Variants in PRR5L observed in about 807,000 individuals in gnomAD.
The protein encoded by PRR5L is proline-rich protein 5-like.
A neutral mutation model predicts 36.4 loss-of-function variants in PRR5L; 21 were observed. The ratio of observed to expected loss-of-function variants is 0.58; its 90% CI spans 0.41 to 0.83. PRR5L has a LOEUF of 0.83. Among genes scored for constraint, PRR5L ranks in the 40% least tolerant of loss-of-function variants. PRR5L has a pLI of 0.00. For synonymous variants in PRR5L, 188 were observed against 197.0 expected, an observed-to-expected ratio of 0.95 and a Z score of 0.38; for missense variants, 381 against 473.3, an observed-to-expected ratio of 0.80 and a Z score of 1.81.
intron 1 of PRR5L, chr11:36,376,066 A>G: frequency 2.1e-6 from 2 of 963,326 alleles, no homozygotes; most frequent in Non-Finnish European, 2.9e-6. Flanking sequence ...GAGAAACGCA[A>G]GCACGGAGCT....
At chr11:36,349,106 GA>G (rs1185370139) in intron 1 of PRR5L, among the ~76,000 whole-genome samples, 1 of 151,962 alleles carries the variant, frequency 6.6e-6, no homozygotes, top group Non-Finnish European at 1.5e-5. Context: ...CCAACGTGGT[GA>G]AACCTGATCT....
chr11:36,398,082 T>A (rs974280880), intron 1 of PRR5L, among the ~76,000 whole-genome samples: 1 of 152,178 alleles, frequency 6.6e-6, no homozygotes, highest in Non-Finnish European at 1.5e-5. Flanking sequence ...GGCTAAGCAG[T>A]GAGCTTAGTC....
chr11:36,460,393 C>T (rs1246340057), intron 8 of PRR5L, among the ~76,000 whole-genome samples: 1 of 152,126 alleles, frequency 6.6e-6, no homozygotes, highest in Non-Finnish European at 1.5e-5. Flanking sequence ...TCCTTCGCCC[C>T]TCCCCCAAGT....
chr11:36,363,209 A>G lies in PRR5L; in HGVS notation c.-125-37788A>G, dbSNP rs552637327. Among the ~76,000 whole-genome samples the G allele has an allele frequency of 2.0e-5, 3 of 152,342 alleles. No homozygotes were observed. In the South Asian group the frequency reaches 6.2e-4, roughly 32 times the overall value. ...CAAGATTCCACACACCATTCTTTGC[A>G]TCATACCAGGAGACAGAAAGAGAGG... On this transcript the variant is annotated intron_variant, in intron 1 of 8. Coordinates refer to ENST00000530639, the MANE Select transcript of PRR5L (RefSeq NM_001160167.2).
At chr11:36,318,133 G>A (rs532478955) in intron 1 of PRR5L, among the ~76,000 whole-genome samples, 8 of 152,234 alleles carry the variant, frequency 5.3e-5, no homozygotes, top group African/African-American at 1.9e-4. Context: ...CGCTGTACAC[G>A]TTTGTAGCCT....
chr11:36,393,542 G>GT (rs976538600), intron 1 of PRR5L, among the ~76,000 whole-genome samples: 1 of 152,114 alleles, frequency 6.6e-6, no homozygotes, highest in African/African-American at 2.4e-5. Flanking sequence ...CTGTGTGTCT[G>GT]TTTTTTATGC....
intron 1 of PRR5L, among the ~76,000 whole-genome samples, chr11:36,315,508 A>G (rs188338373): frequency 6.6e-6 from 1 of 152,340 alleles, no homozygotes; most frequent in East Asian, 1.9e-4. Flanking sequence ...TAAACTTACT[A>G]ATAATTGTCT....
At chr11:36,332,636 T>G (rs1856730528) in intron 1 of PRR5L, among the ~76,000 whole-genome samples, 1 of 152,102 alleles carries the variant, frequency 6.6e-6, no homozygotes, top group African/African-American at 2.4e-5. Flanking sequence ...GTGGGAGGTG[T>G]TTTGGTCATG....
intron 1 of PRR5L, among the ~76,000 whole-genome samples, chr11:36,351,598 TATAA>T (rs1172408470): frequency 1.9e-4 from 2 of 10,358 alleles, no homozygotes; most frequent in South Asian, 3.2e-3. Context: ...TATATATTTA[TATAA>T]ATATATATTT....
intron 1 of PRR5L, among the ~76,000 whole-genome samples, chr11:36,340,590 C>G (rs1856808481): frequency 6.6e-6 from 1 of 152,168 alleles, no homozygotes; most frequent in Admixed American, 6.5e-5. Context: ...AGTGAAATGT[C>G]TGGGACTCAC....
At chr11:36,389,370 A>G (rs908189078) in intron 1 of PRR5L, among the ~76,000 whole-genome samples, 1 of 152,232 alleles carries the variant, frequency 6.6e-6, no homozygotes, top group South Asian at 2.1e-4. Flanking sequence ...GTATAAAAAT[A>G]TTAATACTAA....
intron 1 of PRR5L, among the ~76,000 whole-genome samples, chr11:36,370,933 A>G (rs1246399476): frequency 6.6e-6 from 1 of 151,972 alleles, no homozygotes; most frequent in African/African-American, 2.4e-5. Context: ...ACAAGAAGAA[A>G]ATTATCCAAG....
chr11:36,420,525 TA>T (rs796852550), intron 4 of PRR5L, among the ~76,000 whole-genome samples: 1 of 152,162 alleles, frequency 6.6e-6, no homozygotes, highest in Non-Finnish European at 1.5e-5. Flanking sequence ...AAGTTATTTA[TA>T]AAAAGTGCTC....
intron 6 of PRR5L, among the ~76,000 whole-genome samples, chr11:36,438,794 G>A (rs1210201987): frequency 1.3e-5 from 2 of 152,070 alleles, no homozygotes; most frequent in Admixed American, 6.6e-5. Flanking sequence ...AACTAGCCAG[G>A]CATGGTGGCT....
intron 5 of PRR5L, among the ~76,000 whole-genome samples, chr11:36,432,840 G>A (rs1009315388): frequency 6.6e-6 from 1 of 152,136 alleles, no homozygotes; most frequent in African/African-American, 2.4e-5. Flanking sequence ...AAAGACACGA[G>A]TGTGTCCAGG....
At chr11:36,423,220 A>G (rs771969527) in intron 4 of PRR5L, among the ~76,000 whole-genome samples, 7 of 152,156 alleles carry the variant, frequency 4.6e-5, no homozygotes, top group Non-Finnish European at 8.8e-5. Context: ...ATACCTGGTA[A>G]TGTGTGAGAT....
In PRR5L at chr11:36,436,025, A is replaced by G. The variant is rs1858599543; in HGVS notation, c.353-1360A>G. Among the ~76,000 whole-genome samples, 4 of 152,162 alleles carry G rather than the reference A, an allele frequency of 2.6e-5. 1 individual carries two copies. Among genetic ancestry groups the G allele is most frequent in the Non-Finnish European group, 5.9e-5 (4 of 68,036 alleles). On this transcript the variant is annotated intron_variant, in intron 5 of 8. Transcript: ENST00000530639. ...AGTGTGATCAGTGGTTTGCACAGGC[A>G]AGTTGAGGGTGCCCTGGATTTGCAT...
At chr11:36,376,260 G>C in intron 1 of PRR5L, 1 of 1,226,504 alleles carries the variant, frequency 8.2e-7, no homozygotes, top group South Asian at 1.3e-5. Context: ...ACATTGGAGA[G>C]ACACTAAAGC....
At chr11:36,374,032 G>A (rs1350187442) in intron 1 of PRR5L, among the ~76,000 whole-genome samples, 1 of 151,826 alleles carries the variant, frequency 6.6e-6, no homozygotes, top group African/African-American at 2.4e-5. Flanking sequence ...GTAAAAGACA[G>A]ATAATAATTT....
Sources: allele counts gnomAD v4.1 joint callset (sites outside exome capture counted in the v4.1 genomes callset), GRCh38; gene constraint gnomAD v4.1.1; transcripts MANE v1.5; gene names NCBI Gene and HGNC (gene_info 2026-07-23, HGNC 2026-07-21).